Variants in MID1 observed in about 807,000 individuals in gnomAD.
MID1 encodes midline 1, also known as E3 ubiquitin-protein ligase Midline-1.
In MID1, 7 loss-of-function variants were observed where a neutral mutation model predicts 40.4. The observed-to-expected ratio is 0.17, with a 90% CI of 0.10 to 0.33. MID1 has a LOEUF of 0.33. Ranked by LOEUF, MID1 falls within the 10% of genes least tolerant of loss-of-function variation. The probability of loss-of-function intolerance (pLI) is 1.00; values close to 1 mark genes in which losing one functional copy is unlikely to be tolerated. For missense variants in MID1, 367 were observed against 558.5 expected, an observed-to-expected ratio of 0.66 and a Z score of 3.46; for synonymous variants, 229 against 221.2, an observed-to-expected ratio of 1.04 and a Z score of -0.31.
At chrX:10,587,617 A>T (rs1172788671) in intron 1 of MID1, among the ~76,000 whole-genome samples, 1 of 112,906 alleles carries the variant, frequency 8.9e-6, no homozygotes, top group Non-Finnish European at 1.9e-5. Flanking sequence ...CATGTGCACA[A>T]GCATAACAAT....
chrX:10,809,630 G>A (rs1040773527), intron 1 of MID1, among the ~76,000 whole-genome samples: 1 of 111,073 alleles, frequency 9.0e-6, no homozygotes, highest in African/African-American at 3.3e-5. Context: ...CCTTTGTAGG[G>A]ACATGGATGA....
chrX:10,531,887 A>G (rs1932985783), intron 2 of MID1, among the ~76,000 whole-genome samples: 1 of 111,968 alleles, frequency 8.9e-6, no homozygotes, highest in Non-Finnish European at 1.9e-5. Flanking sequence ...AATGACCAAT[A>G]AATACATTTG....
At chrX:10,766,648 G>A (rs1019671759) in intron 1 of MID1, among the ~76,000 whole-genome samples, 1 of 111,856 alleles carries the variant, frequency 8.9e-6, no homozygotes, top group Non-Finnish European at 1.9e-5. Context: ...GGCTGGACAT[G>A]GTGGCTTTAA....
chrX:10,727,766 A>G (rs946361696), intron 1 of MID1, among the ~76,000 whole-genome samples: 3 of 111,733 alleles, frequency 2.7e-5, no homozygotes, highest in Non-Finnish European at 5.6e-5. Context: ...TGAATGCTCA[A>G]TTTGAGAACC....
At chrX:10,516,039 A>G (rs958853007) in intron 3 of MID1, among the ~76,000 whole-genome samples, 2 of 111,540 alleles carry the variant, frequency 1.8e-5, no homozygotes, top group Non-Finnish European at 3.8e-5. Context: ...CACTACATAT[A>G]TAATTAACTC....
chrX:10,717,863 A>C (rs1452947518), intron 1 of MID1, among the ~76,000 whole-genome samples: 2 of 111,912 alleles, frequency 1.8e-5, no homozygotes, highest in Non-Finnish European at 3.8e-5. Flanking sequence ...ACCACAGTGC[A>C]ATCAAACTAG....
chrX:10,607,392 T>C (rs1446850817), intron 1 of MID1, among the ~76,000 whole-genome samples: 1 of 111,789 alleles, frequency 8.9e-6, no homozygotes, highest in Non-Finnish European at 1.9e-5. Flanking sequence ...TCCAGTTGCT[T>C]AAGGCCAGGG....
chrX:10,679,408 C>CG (rs1569145159), intron 1 of MID1, among the ~76,000 whole-genome samples: 1 of 111,804 alleles, frequency 8.9e-6, no homozygotes, highest in Non-Finnish European at 1.9e-5. Context: ...CAGAAACAGA[C>CG]GTGAGATTCC....
At chrX:10,669,277 T>G (rs962608221) in intron 1 of MID1, among the ~76,000 whole-genome samples, 3 of 107,140 alleles carry the variant, frequency 2.8e-5, no homozygotes, top group Non-Finnish European at 5.8e-5. Flanking sequence ...ACACGTTTGA[T>G]TCCCTGATGG....
intron 4 of MID1, among the ~76,000 whole-genome samples, chrX:10,484,395 A>G (rs1930505310): frequency 8.9e-6 from 1 of 112,360 alleles, no homozygotes; most frequent in Non-Finnish European, 1.9e-5. Flanking sequence ...AAGACCACAC[A>G]CATTTCAAAT....
At chrX:10,536,934 A>G (rs916864819) in intron 2 of MID1, among the ~76,000 whole-genome samples, 1 of 111,807 alleles carries the variant, frequency 8.9e-6, no homozygotes, top group Non-Finnish European at 1.9e-5. Context: ...CAGGAAGCAG[A>G]ACTGAAGAGA....
chrX:10,759,618 C>T (rs2043661649), intron 1 of MID1, among the ~76,000 whole-genome samples: 1 of 110,545 alleles, frequency 9.0e-6, no homozygotes, highest in African/African-American at 3.3e-5. Context: ...CACTGCCTCC[C>T]TGGTCTTCCT....
intron 1 of MID1, among the ~76,000 whole-genome samples, chrX:10,683,770 C>CT (rs34917176): frequency 0.072 from 3,223 of 44,997 alleles, 789 homozygotes; most frequent in African/African-American, 0.14. Flanking sequence ...TGCACGTCAT[C>CT]TTTTTTTTTT....
intron 2 of MID1, among the ~76,000 whole-genome samples, chrX:10,540,272 C>T (rs1439915375): frequency 1.8e-5 from 2 of 111,639 alleles, no homozygotes; most frequent in Non-Finnish European, 3.8e-5. Context: ...TAGTATATCC[C>T]AGGGCCTTTA....
intron 1 of MID1, among the ~76,000 whole-genome samples, chrX:10,723,560 T>G (rs2043371024): frequency 8.8e-6 from 1 of 113,074 alleles, no homozygotes; most frequent in Non-Finnish European, 1.9e-5. Context: ...AGGTGTAGTT[T>G]CTTATTTTTG....
At chrX:10,795,429 A>G (rs1006961119) in intron 1 of MID1, among the ~76,000 whole-genome samples, 3 of 112,265 alleles carry the variant, frequency 2.7e-5, no homozygotes, top group African/African-American at 9.7e-5. Context: ...AAAATGCCAC[A>G]AGGCCAGGAT....
At chrX:10,468,643 G>A (rs1344372061) in intron 7 of MID1, among the ~76,000 whole-genome samples, 2 of 111,557 alleles carry the variant, frequency 1.8e-5, no homozygotes, top group African/African-American at 6.5e-5. Context: ...ATAACTCTGT[G>A]GGTTGGAGGA....
chrX:10,801,501 A>G (rs1265311572), intron 1 of MID1, among the ~76,000 whole-genome samples: 1 of 111,953 alleles, frequency 8.9e-6, no homozygotes, highest in East Asian at 2.8e-4. Context: ...TGGTCAATTC[A>G]CTTACTCACC....
intron 3 of MID1, chrX:10,505,916 T>G (rs1186869142): frequency 1.3e-6 from 1 of 752,812 alleles, no homozygotes; most frequent in Non-Finnish European, 1.6e-6. Context: ...AGAAGCCATC[T>G]GCTTCTGCAA....
Sources: gnomAD v4.1 joint callset for allele counts (sites outside exome capture counted in the v4.1 genomes callset) on GRCh38, gnomAD v4.1.1 for gene constraint, MANE v1.5 for transcripts, NCBI Gene and HGNC (gene_info 2026-07-23, HGNC 2026-07-21) for gene names.